EYS: variants seen among roughly 807,000 people sequenced by gnomAD.
The protein encoded by EYS is protein eyes shut homolog.
In EYS, 250 loss-of-function variants were observed where a neutral mutation model predicts 282.1. The ratio of observed to expected loss-of-function variants is 0.89; its 90% confidence interval spans 0.80 to 0.98. The LOEUF (loss-of-function observed/expected upper bound fraction) is 0.98, where lower values mean the gene tolerates loss of function less well. Among genes scored for constraint, EYS ranks in the 50% least tolerant of loss-of-function variants. The pLI is 0.00. For missense variants in EYS, 4,016 were observed against 3,709.0 expected (o/e 1.08, Z -2.15); for synonymous variants, 1,355 against 1,282.9 (o/e 1.06, Z -1.20).
intron 5 of EYS, among the ~76,000 whole-genome samples, chr6:65,446,488 T>G (rs1445357791): frequency 6.6e-6 from 1 of 151,880 alleles, no homozygotes; most frequent in Non-Finnish European, 1.5e-5. Context: ...TGACTTTGAT[T>G]CATTGCTGTG....
chr6:64,872,493 C>T (rs1766624794), intron 19 of EYS, among the ~76,000 whole-genome samples: 1 of 151,944 alleles, frequency 6.6e-6, no homozygotes, highest in African/African-American at 2.4e-5. Context: ...ACATAGGATC[C>T]AGCCCAAAGT....
At chr6:64,714,765 A>T (rs1771327956) in intron 22 of EYS, among the ~76,000 whole-genome samples, 1 of 151,988 alleles carries the variant, frequency 6.6e-6, no homozygotes, top group South Asian at 2.1e-4. Context: ...TGACCTCGTG[A>T]TCCGCCTGCC....
At chr6:63,744,898 GTTGACTT>G (rs1299168969) in intron 41 of EYS, 1 of 316,040 alleles carries the variant, frequency 3.2e-6, no homozygotes, top group Non-Finnish European at 6.1e-6. Flanking sequence ...AAATCCAATA[GTTGACTT>G]TTGTTTCCAG....
chr6:63,876,176 T>C (rs1293198648), intron 35 of EYS, among the ~76,000 whole-genome samples: 1 of 152,240 alleles, frequency 6.6e-6, no homozygotes, highest in Non-Finnish European at 1.5e-5. Context: ...GTTGTGTCTT[T>C]GTTCTCATTG....
At chr6:64,637,387 G>A (rs1257498233) in intron 22 of EYS, among the ~76,000 whole-genome samples, 1 of 76,360 alleles carries the variant, frequency 1.3e-5, no homozygotes, top group Non-Finnish European at 2.7e-5. Context: ...GATGGGAATC[G>A]AACAATGAGA....
At chr6:65,492,809 A>G (rs7756452) in intron 4 of EYS, among the ~76,000 whole-genome samples, 76,327 of 152,124 alleles carry the variant, frequency 0.5, 19,973 homozygotes, top group African/African-American at 0.63. Flanking sequence ...CTTCTATAAT[A>G]ATCTTGGTAC....
chr6:64,083,925 A>T (rs1772060484), intron 31 of EYS, among the ~76,000 whole-genome samples: 1 of 151,950 alleles, frequency 6.6e-6, no homozygotes, highest in Non-Finnish European at 1.5e-5. Context: ...TTTAGTAGAG[A>T]CGGGGTTTCA....
intron 15 of EYS, among the ~76,000 whole-genome samples, chr6:64,920,413 T>C (rs1351011468): frequency 3.9e-5 from 6 of 152,150 alleles, no homozygotes; most frequent in Non-Finnish European, 5.9e-5. Flanking sequence ...ATTTCTTCTA[T>C]TTTATTTTTC....
At chr6:65,064,307 T>A (rs1773672580) in intron 12 of EYS, among the ~76,000 whole-genome samples, 1 of 143,140 alleles carries the variant, frequency 7.0e-6, no homozygotes, top group Non-Finnish European at 1.5e-5. Context: ...CTTCTCTTTA[T>A]TTTTTTGTGG....
intron 22 of EYS, among the ~76,000 whole-genome samples, chr6:64,713,534 TACTC>T (rs1462250237): frequency 6.6e-6 from 1 of 152,172 alleles, no homozygotes; most frequent in Non-Finnish European, 1.5e-5. Context: ...GTTAATGAAT[TACTC>T]ACCTAATATA....
intron 1 of EYS, among the ~76,000 whole-genome samples, chr6:65,658,659 A>T (rs1333833566): frequency 6.6e-6 from 1 of 151,708 alleles, no homozygotes; most frequent in East Asian, 1.9e-4. Context: ...TAAAAGTAAA[A>T]CATTGCCCAG....
chr6:63,954,308 C>T (rs1374599678), intron 35 of EYS, among the ~76,000 whole-genome samples: 1 of 152,196 alleles, frequency 6.6e-6, no homozygotes, highest in South Asian at 2.1e-4. Flanking sequence ...TCTTCCACAT[C>T]TATCATTGAG....
intron 12 of EYS, among the ~76,000 whole-genome samples, chr6:65,172,525 T>C (rs1278550741): frequency 4.0e-5 from 6 of 151,426 alleles, no homozygotes; most frequent in Non-Finnish European, 8.9e-5. Flanking sequence ...TTATTGAATA[T>C]AGATGCTGTT....
chr6:64,646,530 G>A (rs1768356678), intron 22 of EYS, among the ~76,000 whole-genome samples: 1 of 152,070 alleles, frequency 6.6e-6, no homozygotes, highest in Non-Finnish European at 1.5e-5. Context: ...TAGGCAGGGC[G>A]CGGTGACTCA....
intron 30 of EYS, among the ~76,000 whole-genome samples, chr6:64,286,893 A>G (rs1179731106): frequency 6.8e-6 from 1 of 146,980 alleles, no homozygotes; most frequent in Non-Finnish European, 1.5e-5. Flanking sequence ...ATATATGTGT[A>G]GCATATACCT....
At chr6:64,640,999 T>G (rs928590) in intron 22 of EYS, among the ~76,000 whole-genome samples, 90,789 of 151,454 alleles carry the variant, frequency 0.6, 27,341 homozygotes, top group South Asian at 0.68. Flanking sequence ...TGAAATTAAA[T>G]TCTCCCTAAC....
chr6:65,630,073 A>C (rs1766859393), intron 2 of EYS, among the ~76,000 whole-genome samples: 1 of 152,052 alleles, frequency 6.6e-6, no homozygotes, highest in Non-Finnish European at 1.5e-5. Context: ...GGTCTAATCA[A>C]GGAATACACT....
chr6:65,369,708 A>C (rs1169401120), intron 8 of EYS, among the ~76,000 whole-genome samples: 2 of 151,632 alleles, frequency 1.3e-5, no homozygotes, highest in Non-Finnish European at 2.9e-5. Context: ...TCTCCTGTGC[A>C]CTGTAGGATC....
chr6:65,347,481 T>C (rs1770443128), intron 9 of EYS, among the ~76,000 whole-genome samples: 1 of 151,790 alleles, frequency 6.6e-6, no homozygotes, highest in East Asian at 1.9e-4. Context: ...TATTTTTACT[T>C]GTCTTGTAGT....
Sources: allele counts gnomAD v4.1 joint callset (sites outside exome capture counted in the v4.1 genomes callset), GRCh38; gene constraint gnomAD v4.1.1; transcripts MANE v1.5; gene names NCBI Gene and HGNC (gene_info 2026-07-23, HGNC 2026-07-21).